PRKN: variants seen among roughly 807,000 people sequenced by gnomAD.
PRKN encodes the protein parkin RBR E3 ubiquitin protein ligase.
A neutral mutation model predicts 59.5 loss-of-function variants in PRKN; 56 were observed. That is an observed-to-expected ratio of 0.94 (90% CI 0.76 to 1.18). The LOEUF is 1.18. Among genes scored for constraint, PRKN ranks in the 50% most tolerant of loss-of-function variants. PRKN has a pLI of 0.00. For synonymous variants in PRKN, 250 were observed against 222.1 expected, an observed-to-expected ratio of 1.13 and a Z score of -1.12; for missense variants, 657 against 596.4, an observed-to-expected ratio of 1.10 and a Z score of -1.06.
At chr6:162,625,107 T>C (rs916283097) in intron 1 of PRKN, among the ~76,000 whole-genome samples, 2 of 152,210 alleles carry the variant, frequency 1.3e-5, no homozygotes, top group African/African-American at 4.8e-5. Context: ...GTCTCTTCTC[T>C]CTGTCATAAG....
chr6:161,688,144 C>T (rs944951556), intron 7 of PRKN, among the ~76,000 whole-genome samples: 4 of 152,150 alleles, frequency 2.6e-5, no homozygotes, highest in Non-Finnish European at 5.9e-5. Context: ...ATTGCTTTTC[C>T]GTGAATTAGA....
chr6:162,642,557 A>G (rs533427932), intron 1 of PRKN, among the ~76,000 whole-genome samples: 2 of 152,212 alleles, frequency 1.3e-5, no homozygotes, highest in South Asian at 4.1e-4. Flanking sequence ...ACATTTCATA[A>G]TCTCAAACAT....
At chr6:161,534,241 T>C (rs1404149710) in intron 9 of PRKN, among the ~76,000 whole-genome samples, 1 of 152,182 alleles carries the variant, frequency 6.6e-6, no homozygotes, top group East Asian at 1.9e-4. Flanking sequence ...CCCTTCACTC[T>C]GTTCCAGAAT....
chr6:162,312,473 C>T (rs1445173134), intron 2 of PRKN, among the ~76,000 whole-genome samples: 2 of 152,136 alleles, frequency 1.3e-5, no homozygotes, highest in Non-Finnish European at 2.9e-5. Context: ...TACTCTACTC[C>T]ATCACCCCAG....
In PRKN at chr6:162,178,790, C is replaced by CA. The variant is rs1231926509; in HGVS notation, c.534+22340dup. ...CTTTCCCTATCTGGGGTAAAAGCCT[C>CA]AGTCCCTGATTCAGCAGCTTTCTAT... On this transcript the variant is annotated intron_variant, in intron 4 of 11. Transcript: ENST00000366898. Among the ~76,000 whole-genome samples the CA allele has an allele frequency of 1.3e-5, 2 of 152,154 alleles. 1 individual carries two copies. Among genetic ancestry groups the CA allele is most frequent in the Non-Finnish European group, 2.9e-5 (2 of 68,038 alleles).
intron 9 of PRKN, among the ~76,000 whole-genome samples, chr6:161,541,895 A>G: frequency 6.6e-6 from 1 of 152,210 alleles, no homozygotes; most frequent in East Asian, 1.9e-4. Flanking sequence ...AAAGACAATA[A>G]GAATAGCTAG....
rs149797011 is a variant in PRKN at position 161,913,716 on chromosome 6, C to T, written c.734+59586G>A. ...ACTCAAGGATACAGCGATACATGAA[C>T]TGTTATGGACTGAATGCTTGTGTCT... On this transcript the variant is annotated intron_variant, in intron 6 of 11. Transcript: ENST00000366898. Among the ~76,000 whole-genome samples, 4 of 152,270 alleles carry T rather than the reference C, an allele frequency of 2.6e-5. No homozygotes were observed. In the East Asian group the frequency reaches 7.7e-4, roughly 29 times the overall value.
intron 7 of PRKN, among the ~76,000 whole-genome samples, chr6:161,614,864 T>C (rs1782628938): frequency 6.6e-6 from 1 of 152,204 alleles, no homozygotes; most frequent in Non-Finnish European, 1.5e-5. Flanking sequence ...TGTGTCTATT[T>C]GGAGGTGGAT....
At chr6:162,250,364 A>G (rs75224280) in intron 3 of PRKN, among the ~76,000 whole-genome samples, 10,226 of 152,210 alleles carry the variant, frequency 0.067, 494 homozygotes, top group Middle Eastern at 0.15. Flanking sequence ...ATTTCCATCC[A>G]GTGTAACAGA....
intron 1 of PRKN, among the ~76,000 whole-genome samples, chr6:162,570,683 T>C (rs375581641): frequency 9.9e-5 from 15 of 152,144 alleles, no homozygotes; most frequent in South Asian, 4.1e-4. Context: ...CTGGATAGAA[T>C]TGGAAACTAT....
chr6:162,162,094 T>A (rs1358592447), intron 4 of PRKN, among the ~76,000 whole-genome samples: 4 of 152,130 alleles, frequency 2.6e-5, no homozygotes, highest in Non-Finnish European at 4.4e-5. Context: ...ATTTATTTAT[T>A]CATTTTGAGA....
At chr6:162,544,902 C>G (rs1448833888) in intron 1 of PRKN, among the ~76,000 whole-genome samples, 1 of 150,086 alleles carries the variant, frequency 6.7e-6, no homozygotes, top group Admixed American at 6.6e-5. Flanking sequence ...GTCTCCAACT[C>G]CTGACCTCAG....
Position 161,395,778 on chromosome 6 carries a change from T to A in PRKN, c.1084-8901A>T, listed in dbSNP as rs1786726906. On this transcript the variant is annotated intron_variant, in intron 9 of 11. Coordinates refer to ENST00000366898, the MANE Select transcript of PRKN (RefSeq NM_004562.3). This position sits in a 1 kb window ranked among gnomAD's most constrained non-coding sequence, Gnocchi z 5.0. ...TCTTGTCTACACAGCCAAAGCTGGG[T>A]CAGGAGTGGCCTGTGGTCAGGCTCA... Among the ~76,000 whole-genome samples, 1 of 152,142 alleles carries A rather than the reference T, an allele frequency of 6.6e-6. No homozygotes were observed. The highest frequency in any genetic ancestry group is 1.9e-4 in the East Asian group (1 of 5,192).
chr6:162,404,871 G>A (rs546980440), intron 2 of PRKN, among the ~76,000 whole-genome samples: 1 of 152,244 alleles, frequency 6.6e-6, no homozygotes, highest in East Asian at 1.9e-4. Context: ...TTTTTAAAAA[G>A]TGAACATAGA....
chr6:161,794,989 A>G (rs1408132561), intron 6 of PRKN, among the ~76,000 whole-genome samples: 4 of 151,592 alleles, frequency 2.6e-5, no homozygotes, highest in South Asian at 2.1e-4. Context: ...GGTTCACGCC[A>G]TTCTCTTGCC....
At chr6:162,272,998 T>TG (rs1478521485) in intron 2 of PRKN, among the ~76,000 whole-genome samples, 1 of 91,108 alleles carries the variant, frequency 1.1e-5, no homozygotes, top group African/African-American at 4.4e-5. Flanking sequence ...AGCCTGTGTC[T>TG]GAAAAAAAAA....
chr6:161,970,026 A>T (rs538956414), intron 6 of PRKN, among the ~76,000 whole-genome samples: 52 of 152,230 alleles, frequency 3.4e-4, no homozygotes, highest in African/African-American at 1.3e-3. Context: ...TTCATGGCAG[A>T]GAAAATTTAT....
At chr6:162,325,915 G>A (rs1783250076) in intron 2 of PRKN, among the ~76,000 whole-genome samples, 1 of 152,082 alleles carries the variant, frequency 6.6e-6, no homozygotes, top group African/African-American at 2.4e-5. Flanking sequence ...AGACTGTAAA[G>A]CAATGGAGAT....
At chr6:162,566,542 C>G (rs1431394309) in intron 1 of PRKN, among the ~76,000 whole-genome samples, 1 of 152,000 alleles carries the variant, frequency 6.6e-6, no homozygotes. Flanking sequence ...AAGAAGTGGA[C>G]AAATTCCTAG....
Sources: allele counts gnomAD v4.1 joint callset (sites outside exome capture counted in the v4.1 genomes callset), GRCh38; gene constraint gnomAD v4.1.1; non-coding constraint Gnocchi (gnomAD v3.1); transcripts MANE v1.5; gene names NCBI Gene and HGNC (gene_info 2026-07-23, HGNC 2026-07-21).